LY9: variants seen among roughly 807,000 people sequenced by gnomAD.
LY9 encodes the protein lymphocyte antigen 9, also known as T-lymphocyte surface antigen Ly-9.
In LY9, 59 loss-of-function variants were observed where a neutral mutation model predicts 64.6. The ratio of observed to expected loss-of-function variants is 0.91; its 90% confidence interval spans 0.74 to 1.13. LY9 has a LOEUF of 1.13. Among genes scored for constraint, LY9 ranks in the 50% most tolerant of loss-of-function variants. The probability of loss-of-function intolerance (pLI) is 0.00; values close to 1 mark genes in which losing one functional copy is unlikely to be tolerated. For synonymous variants in LY9, 281 were observed against 308.5 expected (o/e 0.91, Z 0.93); for missense variants, 789 against 797.2 (o/e 0.99, Z 0.12).
intron 2 of LY9, chr1:160,802,192 G>A (rs1034946137): frequency 4.1e-6 from 5 of 1,207,798 alleles, no homozygotes; most frequent in Non-Finnish European, 5.2e-6. Context: ...AGTGGGGTTT[G>A]TGCTTGGTCT....
At chr1:160,826,642 G>C (rs1668868241) in intron 9 of LY9, among the ~76,000 whole-genome samples, 1 of 152,212 alleles carries the variant, frequency 6.6e-6, no homozygotes, top group Non-Finnish European at 1.5e-5. Flanking sequence ...CTGCACTGTG[G>C]TAAAGAGGAA....
At chr1:160,821,350 A>C (rs1456809312) in intron 7 of LY9, among the ~76,000 whole-genome samples, 2 of 152,060 alleles carry the variant, frequency 1.3e-5, no homozygotes, top group Admixed American at 1.3e-4. Flanking sequence ...TGTTCCTTTA[A>C]CTTCACATAT....
At position 160,813,768 on chromosome 1, in the gene LY9, C is replaced by T; in HGVS notation, c.587C>T (p.Pro196Leu). ...SVLYSWTPRE[P>L]HASESNGGSI... ...CTGTACAGCTGGACCCCAAGGGAAC[C>T]CCATGCTTCTGAGTCCAATGGAGGC... The change falls in exon 3 of 10, where the codon CCC becomes CTC. Residue 196 changes from proline (P) to leucine (L), a missense_variant. By Grantham distance (98) the Pro-to-Leu change is moderately conservative (BLOSUM62 -3). Coordinates refer to ENST00000263285, the MANE Select transcript of LY9 (RefSeq NM_002348.4). The T allele has an allele frequency of 6.2e-7, 1 of 1,614,152 alleles. No individual in the cohort carries two copies. Among genetic ancestry groups the T allele is most frequent in the Non-Finnish European group, 8.5e-7 (1 of 1,180,024 alleles).
chr1:160,802,272 A>T, intron 2 of LY9: 1 of 1,012,188 alleles, frequency 9.9e-7, no homozygotes, highest in Non-Finnish European at 1.2e-6. Flanking sequence ...CCCTGCAAAG[A>T]CTCCTCGGGC....
chr1:160,813,741 T>C lies in LY9; in HGVS notation c.560T>C (p.Val187Ala). The C allele has an allele frequency of 6.2e-7, 1 of 1,614,178 alleles. No homozygotes were observed. Among genetic ancestry groups the C allele is most frequent in the Non-Finnish European group, 8.5e-7 (1 of 1,180,028 alleles). ...TCCGTGAAGGGGGCAGAGAAAAGTGTTCTGTACAGCTGGACCCCAAGGGAA... is the reference window on the plus strand; with the variant it reads ...TCCGTGAAGGGGGCAGAGAAAAGTGCTCTGTACAGCTGGACCCCAAGGGAA... ...MCSVKGAEKS[V>A]LYSWTPREPH... Residue 187 changes from valine (V) to alanine (A), a missense_variant, in exon 3 of 10, where the codon GTT (valine) becomes GCT (alanine). Physicochemically the swap from Val to Ala is moderately conservative, Grantham distance 64. Transcript: ENST00000263285.
At position 160,814,697 on chromosome 1, in the gene LY9, T is replaced by C; in HGVS notation, c.1008T>C (p.His336=). Residue 336 remains histidine (H), a synonymous_variant, in exon 4 of 10, where the codon CAT becomes CAC. Coordinates refer to ENST00000263285, the MANE Select transcript of LY9 (RefSeq NM_002348.4). ...QLKIEDAGPY[H]AYVCSEASSV... is the part of the protein sequence containing the mutation. The stretch of plus-strand genomic sequence containing the variant: ...AGATAGAGGACGCCGGCCCCTACCA[T>C]GCCTACGTGTGCTCAGAGGCCTCCA... 6.2e-7 allele frequency: 1 copy of C among 1,614,172 alleles called. No individual in the cohort carries two copies. Among genetic ancestry groups the C allele is most frequent in the Non-Finnish European group, 8.5e-7 (1 of 1,180,006 alleles).
intron 9 of LY9, among the ~76,000 whole-genome samples, chr1:160,826,105 G>T (rs146228643): frequency 3.3e-5 from 5 of 152,116 alleles, no homozygotes; most frequent in Non-Finnish European, 7.4e-5. Flanking sequence ...TGCATGTTAC[G>T]TGTATTATAT....
In LY9 at chr1:160,823,581, A is replaced by T; in HGVS notation, c.1615A>T (p.Ser539Cys). The T allele has an allele frequency of 8.7e-6, 14 of 1,614,196 alleles. No individual in the cohort carries two copies. The highest frequency in any genetic ancestry group is 1.2e-5 in the Non-Finnish European group (14 of 1,180,008). The change falls in exon 8 of 10, where the codon AGC (serine) becomes TGC (cysteine). Residue 539 changes from serine to cysteine, a missense_variant. By Grantham distance (112) the Ser-to-Cys change is moderately radical (BLOSUM62 -1). Transcript: ENST00000263285. ...ACCCACCTCAGACAGCAGCTCTGAC[A>T]GCAACCTCACAACTGAGGAGGATGA... is the stretch of plus-strand genomic sequence containing the variant. ...PTPTSDSSSD[S>C]NLTTEEDEDR... is the part of the protein sequence containing the mutation.
chr1:160,802,795 T>A, intron 2 of LY9: 1 of 408,614 alleles, frequency 2.4e-6, no homozygotes, highest in Non-Finnish European at 3.3e-6. Context: ...TATAAACCTG[T>A]GGCTTTATTT....
chr1:160,820,455 C>A (rs1668327349), intron 7 of LY9, among the ~76,000 whole-genome samples: 1 of 152,176 alleles, frequency 6.6e-6, no homozygotes, highest in Admixed American at 6.5e-5. Context: ...TATGTCACCC[C>A]TCATGGCAGG....
chr1:160,796,495 C>A (rs1485666015), intron 1 of LY9, among the ~76,000 whole-genome samples, 184 bp downstream of exon 1: 1 of 152,018 alleles, frequency 6.6e-6, no homozygotes, highest in African/African-American at 2.4e-5. Context: ...TGGGTTCAAG[C>A]GATTCTCCTA....
Position 160,827,729 on chromosome 1 carries a change from G to A in LY9, c.1900-19G>A. 2 of 1,594,184 alleles carry A rather than the reference G, an allele frequency of 1.3e-6. No individual in the cohort carries two copies. The highest frequency in any genetic ancestry group is 4.5e-5 in the East Asian group (2 of 44,066). On this transcript the variant is annotated intron_variant, in intron 9 of 9. Coordinates refer to ENST00000263285, the MANE Select transcript of LY9 (RefSeq NM_002348.4). ...AAGGCTTTATTAACCATATTCTTTT[G>A]TGGATTTTTGGCTCACAGGTGGTGC...
chr1:160,805,087 C>A (rs1162691376), intron 2 of LY9, among the ~76,000 whole-genome samples: 1 of 151,842 alleles, frequency 6.6e-6, no homozygotes, highest in Non-Finnish European at 1.5e-5. Flanking sequence ...TTTTTTTAGT[C>A]CCTACTTCAT....
intron 7 of LY9, among the ~76,000 whole-genome samples, chr1:160,820,996 T>G (rs1405103076): frequency 6.6e-6 from 1 of 151,278 alleles, no homozygotes; most frequent in East Asian, 1.9e-4. Flanking sequence ...CTACCAAAAA[T>G]ATAAAAATTA....
At chr1:160,816,549 G>A in intron 4 of LY9, 45 bp from the exon 5 acceptor site, 1 of 1,536,112 alleles carries the variant, frequency 6.5e-7, no homozygotes. Context: ...TGACTGCTCA[G>A]GGGGCAGGCC....
Position 160,827,757 on chromosome 1 carries a change from C to T in LY9, c.1909C>T (p.Pro637Ser), listed in dbSNP as rs745345242. Residue 637 changes from proline to serine, a missense_variant, in exon 10 of 10, where the codon CCA becomes TCA. By Grantham distance (74) the Pro-to-Ser change is moderately conservative (BLOSUM62 -1). Transcript: ENST00000263285. ...GATTTTTGGCTCACAGGTGGTGCCA[C>T]CACCACAACAGAATGATCTTGAGAT... ...CSIRKPQVVP[P>S]PQQNDLEIPE... 21 of 1,608,930 alleles carry T rather than the reference C, an allele frequency of 1.3e-5. No homozygotes were observed. The East Asian group carries it at 3.6e-4, about 28-fold the overall frequency.
rs764837617 is a variant in LY9 at position 160,816,561 on chromosome 1, G to C, written c.1073-33G>C. 5 of 1,554,862 alleles carry C rather than the reference G, an allele frequency of 3.2e-6. No homozygotes were observed. In the South Asian group the frequency reaches 4.7e-5, roughly 15 times the overall value. ...AGGTGACTGCTCAGGGGGCAGGCCT[G>C]ATTCCACATGGAGTCTGCCTCTCTC... is the stretch of plus-strand genomic sequence containing the variant. On this transcript the variant is annotated intron_variant, in intron 4 of 9. Transcript: ENST00000263285.
intron 9 of LY9, 72 bp from the exon 10 acceptor site, chr1:160,827,676 C>T (rs1261016543): frequency 1.6e-6 from 2 of 1,239,932 alleles, no homozygotes; most frequent in Non-Finnish European, 2.3e-6. Flanking sequence ...CTGGCCTTGC[C>T]TTCCTCTTTC....
intron 1 of LY9, among the ~76,000 whole-genome samples, chr1:160,798,530 A>C (rs1480834214): frequency 6.6e-6 from 1 of 152,106 alleles, no homozygotes; most frequent in Non-Finnish European, 1.5e-5. Flanking sequence ...AACCAACCTC[A>C]CATCAACTCA....
Sources: gnomAD v4.1 joint callset for allele counts (sites outside exome capture counted in the v4.1 genomes callset) on GRCh38, gnomAD v4.1.1 for gene constraint, MANE v1.5 for transcripts, NCBI Gene and HGNC (gene_info 2026-07-23, HGNC 2026-07-21) for gene names.